The following SDK1 variants were observed in gnomAD, a reference collection of about 807,000 sequenced individuals.
SDK1 encodes protein sidekick-1.
A neutral mutation model predicts 245.5 loss-of-function variants in SDK1; 157 were observed. The observed-to-expected ratio is 0.64, with a 90% CI of 0.56 to 0.73. SDK1 has a LOEUF of 0.73. Among genes scored for constraint, SDK1 ranks in the 30% least tolerant of loss-of-function variants. The probability of loss-of-function intolerance (pLI) is 0.00; values close to 1 mark genes in which losing one functional copy is unlikely to be tolerated. For synonymous variants in SDK1, 1,647 were observed against 1,278.5 expected (o/e 1.29, Z -6.15); for missense variants, 3,583 against 3,002.3 (o/e 1.19, Z -4.52).
intron 9 of SDK1, among the ~76,000 whole-genome samples, chr7:3,965,749 G>A (rs1454937963): frequency 1.4e-5 from 1 of 72,920 alleles, no homozygotes; most frequent in Non-Finnish European, 2.6e-5. Context: ...AGGGGAGCAG[G>A]TGCGGTGGCA....
chr7:4,226,272 G>A (rs560733810), intron 40 of SDK1, among the ~76,000 whole-genome samples: 78 of 152,326 alleles, frequency 5.1e-4, no homozygotes, highest in African/African-American at 1.9e-3. Flanking sequence ...TCTGGGAGAC[G>A]GGCACTCGGT....
At chr7:3,564,620 TG>T (rs1451703665) in intron 1 of SDK1, among the ~76,000 whole-genome samples, 2 of 152,034 alleles carry the variant, frequency 1.3e-5, no homozygotes, top group African/African-American at 2.4e-5. Context: ...CTAAATAAAA[TG>T]AATAAATTCT....
chr7:3,942,871 C>T (rs1235670964), intron 5 of SDK1, among the ~76,000 whole-genome samples: 3 of 152,188 alleles, frequency 2.0e-5, no homozygotes, highest in African/African-American at 7.2e-5. Flanking sequence ...TCATGTTGCC[C>T]ATGTCCACTT....
intron 17 of SDK1, among the ~76,000 whole-genome samples, chr7:4,025,234 AC>A (rs1395613821): frequency 6.6e-6 from 1 of 152,250 alleles, no homozygotes; most frequent in African/African-American, 2.4e-5. Context: ...CAATACAGCA[AC>A]ACTGTTTGGT....
At chr7:3,522,897 T>C (rs1474566895) in intron 1 of SDK1, among the ~76,000 whole-genome samples, 1 of 43,004 alleles carries the variant, frequency 2.3e-5, no homozygotes, top group Non-Finnish European at 4.6e-5. Context: ...CTGATTAGTT[T>C]GTTAAATTCA....
At chr7:3,847,053 GCTT>G (rs1297696991) in intron 5 of SDK1, among the ~76,000 whole-genome samples, 3 of 151,834 alleles carry the variant, frequency 2.0e-5, no homozygotes, top group Non-Finnish European at 4.4e-5. Flanking sequence ...GTGTAATCAC[GCTT>G]CTTTTTTTTT....
At chr7:3,465,000 A>T (rs1459676384) in intron 1 of SDK1, among the ~76,000 whole-genome samples, 6 of 152,184 alleles carry the variant, frequency 3.9e-5, no homozygotes, top group Admixed American at 2.6e-4. Flanking sequence ...CATTGTTGCT[A>T]ACCAGAGGAA....
At chr7:3,743,992 G>C (rs750264531) in intron 4 of SDK1, among the ~76,000 whole-genome samples, 2 of 152,148 alleles carry the variant, frequency 1.3e-5, no homozygotes, top group African/African-American at 2.4e-5. Context: ...TTAATCAACA[G>C]CTTGACTCAC....
chr7:4,009,352 C>G (rs1300494843), intron 14 of SDK1, among the ~76,000 whole-genome samples: 1 of 152,208 alleles, frequency 6.6e-6, no homozygotes, highest in African/African-American at 2.4e-5. Flanking sequence ...AATGGCCTTT[C>G]GTCTTCTGCA....
intron 5 of SDK1, among the ~76,000 whole-genome samples, chr7:3,932,703 T>C (rs1299030993): frequency 6.6e-6 from 1 of 152,228 alleles, no homozygotes. Flanking sequence ...TTGTGAATTA[T>C]CGTTCTTCAC....
At chr7:3,387,344 A>G (rs77692232) in intron 1 of SDK1, among the ~76,000 whole-genome samples, 3,427 of 152,112 alleles carry the variant, frequency 0.023, 139 homozygotes, top group African/African-American at 0.077. Context: ...CATCTCCTCA[A>G]AGTCCAGAGG....
At chr7:3,615,320 T>C (rs1472525057) in intron 1 of SDK1, among the ~76,000 whole-genome samples, 1 of 151,638 alleles carries the variant, frequency 6.6e-6, no homozygotes. Flanking sequence ...TAAGAGGAGA[T>C]GATTTTTGCT....
At chr7:3,393,308 G>A (rs1781809314) in intron 1 of SDK1, among the ~76,000 whole-genome samples, 1 of 151,970 alleles carries the variant, frequency 6.6e-6, no homozygotes, top group East Asian at 1.9e-4. Flanking sequence ...ACCCAGGAGT[G>A]AAGTTGTTCA....
At chr7:3,364,199 C>T (rs1781026654) in intron 1 of SDK1, among the ~76,000 whole-genome samples, 1 of 152,276 alleles carries the variant, frequency 6.6e-6, no homozygotes, top group African/African-American at 2.4e-5. Flanking sequence ...ATTTGTTGAA[C>T]ATTTGGCGTA....
chr7:3,473,773 G>A (rs923431437), intron 1 of SDK1, among the ~76,000 whole-genome samples: 1 of 151,978 alleles, frequency 6.6e-6, no homozygotes, highest in Non-Finnish European at 1.5e-5. Context: ...AGGTTAATAT[G>A]TGTAATAATG....
chr7:3,678,107 G>C (rs768038548), intron 4 of SDK1, among the ~76,000 whole-genome samples: 1 of 152,206 alleles, frequency 6.6e-6, no homozygotes, highest in East Asian at 1.9e-4. Context: ...CCTTGTAACA[G>C]CTAATATAAA....
intron 41 of SDK1, among the ~76,000 whole-genome samples, chr7:4,236,758 A>T (rs1786192260): frequency 6.6e-6 from 1 of 152,098 alleles, no homozygotes; most frequent in African/African-American, 2.4e-5. Context: ...AACAGGTGGA[A>T]TGTGAGTGCT....
intron 2 of SDK1, among the ~76,000 whole-genome samples, chr7:3,628,786 AT>A (rs1303074408): frequency 1.3e-5 from 2 of 152,214 alleles, no homozygotes; most frequent in Non-Finnish European, 2.9e-5. Flanking sequence ...GACATTGGAT[AT>A]CAGGCAGTGA....
At chr7:3,884,012 A>G in intron 5 of SDK1, among the ~76,000 whole-genome samples, 1 of 151,472 alleles carries the variant, frequency 6.6e-6, no homozygotes, top group East Asian at 1.9e-4. Flanking sequence ...GATATTTAAA[A>G]CTTTACACAA....
Sources: allele counts gnomAD v4.1 joint callset (sites outside exome capture counted in the v4.1 genomes callset), GRCh38; gene constraint gnomAD v4.1.1; transcripts MANE v1.5; gene names NCBI Gene and HGNC (gene_info 2026-07-23, HGNC 2026-07-21).